PRR16: variants seen among roughly 807,000 people sequenced by gnomAD.
PRR16 encodes proline rich 16, also known as protein Largen.
PRR16 carries 6 observed loss-of-function variants against 18.2 expected under a neutral mutation model. The observed-to-expected ratio is 0.33, with a 90% CI of 0.18 to 0.65. PRR16 has a LOEUF of 0.65. PRR16 is among the 30% of genes least tolerant of loss of function. The pLI is 0.74. For synonymous variants in PRR16, 151 were observed against 147.8 expected (o/e 1.02, Z -0.16); for missense variants, 412 against 376.6 (o/e 1.09, Z -0.78).
chr5:120,636,653 A>G (rs1368608430), intron 1 of PRR16, among the ~76,000 whole-genome samples: 2 of 152,130 alleles, frequency 1.3e-5, no homozygotes, highest in African/African-American at 4.8e-5. Context: ...CAAAGACTTA[A>G]GTCTAAGACC....
chr5:120,779,229 C>T, the PRR16 span, among the ~76,000 whole-genome samples: 1 of 152,050 alleles, frequency 6.6e-6, no homozygotes, highest in Non-Finnish European at 1.5e-5. Context: ...CTGTAAGCAG[C>T]ACATCAGTGA....
rs576426445 is a variant in PRR16 at position 120,616,169 on chromosome 5, G to A, written c.160-69785G>A. ...CAAGTAGCTAACAAAGAATGAGTCA[G>A]TAATTGAGCAAGCTGGATGATCTAA... On this transcript the variant is annotated intron_variant, in intron 1 of 1. Transcript: ENST00000407149. Among the ~76,000 whole-genome samples the A allele has an allele frequency of 1.0e-3, 159 of 152,262 alleles. 1 individual carries two copies. Among genetic ancestry groups the A allele is most frequent in the Non-Finnish European group, 1.7e-3 (116 of 68,028 alleles).
chr5:120,574,057 A>G (rs538365953), intron 1 of PRR16, among the ~76,000 whole-genome samples: 21 of 152,250 alleles, frequency 1.4e-4, no homozygotes, highest in Non-Finnish European at 2.9e-4. Flanking sequence ...AAAAAAATAC[A>G]GAAGCTCTAA....
At chr5:120,751,035 G>A in the PRR16 span, among the ~76,000 whole-genome samples, 12 of 152,192 alleles carry the variant, frequency 7.9e-5, no homozygotes, top group South Asian at 1.7e-3. Flanking sequence ...GAGATCATGT[G>A]ATATTTGTCT....
the PRR16 span, among the ~76,000 whole-genome samples, chr5:120,742,528 A>C: frequency 6.6e-6 from 1 of 151,812 alleles, no homozygotes; most frequent in African/African-American, 2.4e-5. Context: ...CTTTAATTTT[A>C]AACAAAAAAT....
At chr5:120,785,826 C>T in the PRR16 span, among the ~76,000 whole-genome samples, 1 of 151,648 alleles carries the variant, frequency 6.6e-6, no homozygotes, top group African/African-American at 2.4e-5. Context: ...GCCTCGGACT[C>T]CCAAAGTGCT....
At chr5:120,722,664 T>C in the PRR16 span, among the ~76,000 whole-genome samples, 1 of 151,962 alleles carries the variant, frequency 6.6e-6, no homozygotes. Context: ...AAGCTCAAAT[T>C]TTCACTAACC....
At position 120,566,089 on chromosome 5, in the gene PRR16, A is replaced by G. The variant is rs556148571; in HGVS notation, c.159+101444A>G. Among the ~76,000 whole-genome samples the G allele has an allele frequency of 9.8e-5, 15 of 152,330 alleles. No homozygotes were observed. The South Asian group carries it at 2.7e-3, about 27-fold the overall frequency. ...TTAGAGACAGGACCTTCACAAGGTC[A>G]TTAGGCCTTGAGGGCTCCTTTCTCA... On this transcript the variant is annotated intron_variant, in intron 1 of 1. Coordinates refer to ENST00000407149, the MANE Select transcript of PRR16 (RefSeq NM_001300783.2).
the PRR16 span, among the ~76,000 whole-genome samples, chr5:120,724,228 G>T: frequency 6.6e-6 from 1 of 151,952 alleles, no homozygotes; most frequent in Non-Finnish European, 1.5e-5. Context: ...TAATTAATTT[G>T]GGAATAATTA....
chr5:120,753,659 C>G, the PRR16 span, among the ~76,000 whole-genome samples: 3 of 150,624 alleles, frequency 2.0e-5, no homozygotes, highest in African/African-American at 7.3e-5. Flanking sequence ...TTAGTTCTTA[C>G]TATATGCCAA....
the PRR16 span, among the ~76,000 whole-genome samples, chr5:120,703,568 T>A: frequency 6.6e-6 from 1 of 152,244 alleles, no homozygotes; most frequent in African/African-American, 2.4e-5. Context: ...AATATGTATT[T>A]GTTTACTGAA....
chr5:120,670,708 ATG>A (rs1756571815), intron 1 of PRR16, among the ~76,000 whole-genome samples: 1 of 152,132 alleles, frequency 6.6e-6, no homozygotes, highest in Non-Finnish European at 1.5e-5. Flanking sequence ...TAATGTCCCC[ATG>A]TGCATTCATG....
the PRR16 span, among the ~76,000 whole-genome samples, chr5:120,748,591 C>A: frequency 6.6e-6 from 1 of 151,900 alleles, no homozygotes; most frequent in Non-Finnish European, 1.5e-5. Flanking sequence ...AATACAAGGT[C>A]TTATGAAACA....
chr5:120,485,577 CAG>C (rs1240459647), intron 1 of PRR16, among the ~76,000 whole-genome samples: 2 of 152,132 alleles, frequency 1.3e-5, no homozygotes, highest in African/African-American at 2.4e-5. Flanking sequence ...GAGTAAAACA[CAG>C]TGAACTGTTC....
chr5:120,485,312 A>C (rs1044689633), intron 1 of PRR16, among the ~76,000 whole-genome samples: 1 of 152,200 alleles, frequency 6.6e-6, no homozygotes, highest in African/African-American at 2.4e-5. Context: ...GCATGATTCC[A>C]GAAAAATTAT....
chr5:120,590,944 T>G (rs1753614067), intron 1 of PRR16, among the ~76,000 whole-genome samples: 1 of 152,132 alleles, frequency 6.6e-6, no homozygotes, highest in Non-Finnish European at 1.5e-5. Context: ...AGATTTGATC[T>G]TATAGTATTC....
chr5:120,696,197 G>A, the PRR16 span, among the ~76,000 whole-genome samples: 5 of 152,074 alleles, frequency 3.3e-5, no homozygotes, highest in African/African-American at 9.7e-5. Flanking sequence ...AGCTGAGATC[G>A]TGCCACTGCA....
At chr5:120,698,528 G>T in the PRR16 span, among the ~76,000 whole-genome samples, 24,778 of 105,540 alleles carry the variant, frequency 0.23, 3,776 homozygotes, top group Middle Eastern at 0.44. Context: ...CAAGAGCAGG[G>T]CATGTATGAG....
At chr5:120,503,796 C>A (rs557758689) in intron 1 of PRR16, among the ~76,000 whole-genome samples, 1 of 148,962 alleles carries the variant, frequency 6.7e-6, no homozygotes, top group South Asian at 2.2e-4. Context: ...CCGCTCCCCC[C>A]ACCCCACAAC....
Sources: allele counts gnomAD v4.1 joint callset (sites outside exome capture counted in the v4.1 genomes callset), GRCh38; gene constraint gnomAD v4.1.1; transcripts MANE v1.5; gene names NCBI Gene and HGNC (gene_info 2026-07-23, HGNC 2026-07-21).